Variants in ARHGAP6 observed in about 807,000 individuals in gnomAD.
ARHGAP6 encodes Rho GTPase activating protein 6, also known as rho GTPase-activating protein 6.
Under a neutral mutation model 55.7 loss-of-function variants are expected in ARHGAP6, and 16 were observed. The ratio of observed to expected loss-of-function variants is 0.29; its 90% CI spans 0.19 to 0.44. The LOEUF (loss-of-function observed/expected upper bound fraction) is 0.44, where lower values mean the gene tolerates loss of function less well. ARHGAP6 is among the 20% of genes least tolerant of loss of function. The pLI is 1.00. For missense variants in ARHGAP6, 698 were observed against 808.9 expected (o/e 0.86, Z 1.66); for synonymous variants, 382 against 360.9 (o/e 1.06, Z -0.66).
At chrX:11,573,093 T>A (rs1184736930) in intron 1 of ARHGAP6, among the ~76,000 whole-genome samples, 3 of 111,800 alleles carry the variant, frequency 2.7e-5, no homozygotes, top group Non-Finnish European at 3.8e-5. Context: ...TAGCCCTTTG[T>A]CAGATGAGTA....
At chrX:11,297,001 G>A (rs761389595) in intron 1 of ARHGAP6, among the ~76,000 whole-genome samples, 10 of 111,164 alleles carry the variant, frequency 9.0e-5, no homozygotes, top group East Asian at 2.8e-4. Flanking sequence ...AGCCTGTGTC[G>A]TCCCAGCAGC....
At chrX:11,649,951 T>C (rs1205861354) in intron 1 of ARHGAP6, among the ~76,000 whole-genome samples, 1 of 110,223 alleles carries the variant, frequency 9.1e-6, no homozygotes, top group Non-Finnish European at 1.9e-5. Flanking sequence ...TCTTTGCAAA[T>C]ATATTGTTAA....
intron 1 of ARHGAP6, among the ~76,000 whole-genome samples, chrX:11,548,442 C>G (rs1466248366): frequency 1.8e-5 from 2 of 110,993 alleles, no homozygotes; most frequent in Non-Finnish European, 3.8e-5. Context: ...CTAATACCCA[C>G]AATTCTACTC....
At chrX:11,325,016 G>A (rs1323933582) in intron 1 of ARHGAP6, among the ~76,000 whole-genome samples, 4 of 110,671 alleles carry the variant, frequency 3.6e-5, no homozygotes, top group Non-Finnish European at 5.7e-5. Flanking sequence ...CCGCCACCGC[G>A]CCCGGCTAAT....
chrX:11,307,095 G>A (rs755198300), intron 1 of ARHGAP6, among the ~76,000 whole-genome samples: 5 of 110,743 alleles, frequency 4.5e-5, no homozygotes, highest in South Asian at 3.9e-4. Context: ...TCCAGTGCTC[G>A]TAGAAACCAC....
intron 1 of ARHGAP6, among the ~76,000 whole-genome samples, chrX:11,269,115 G>C (rs1167399302): frequency 9.0e-6 from 1 of 111,539 alleles, no homozygotes; most frequent in Non-Finnish European, 1.9e-5. Flanking sequence ...ATGACAAATA[G>C]ACTTATGTTG....
At chrX:11,663,654 G>A (rs1390558119) in intron 1 of ARHGAP6, among the ~76,000 whole-genome samples, 1 of 111,624 alleles carries the variant, frequency 9.0e-6, no homozygotes, top group Non-Finnish European at 1.9e-5. Context: ...CCTACACAGA[G>A]ATTTTCTTCT....
intron 1 of ARHGAP6, among the ~76,000 whole-genome samples, chrX:11,513,523 G>A (rs1037352897): frequency 5.4e-5 from 6 of 111,585 alleles, no homozygotes; most frequent in African/African-American, 1.6e-4. Context: ...GTTAAATGGA[G>A]TCTCTTGCTA....
chrX:11,177,710 A>C (rs1185321917), intron 8 of ARHGAP6, among the ~76,000 whole-genome samples: 1 of 111,992 alleles, frequency 8.9e-6, no homozygotes, highest in African/African-American at 3.2e-5. Context: ...TTGGGCTCCA[A>C]GTTATAGAAG....
intron 8 of ARHGAP6, among the ~76,000 whole-genome samples, chrX:11,176,302 T>TAC (rs2046219971): frequency 2.0e-4 from 1 of 4,894 alleles, no homozygotes; most frequent in East Asian, 4.1e-3. Flanking sequence ...TTTGCATGCA[T>TAC]ATATATATAT....
intron 1 of ARHGAP6, among the ~76,000 whole-genome samples, chrX:11,404,451 A>G (rs533819816): frequency 5.3e-5 from 6 of 112,247 alleles, no homozygotes; most frequent in African/African-American, 1.9e-4. Flanking sequence ...TAAAACATAA[A>G]AATAATCCCT....
chrX:11,468,582 C>T (rs1051606498), intron 1 of ARHGAP6, among the ~76,000 whole-genome samples: 2 of 112,508 alleles, frequency 1.8e-5, no homozygotes, highest in Non-Finnish European at 3.8e-5. Context: ...GAACATTTAT[C>T]TGAGATGGAC....
intron 1 of ARHGAP6, among the ~76,000 whole-genome samples, chrX:11,649,079 A>C (rs952260683): frequency 1.8e-5 from 2 of 112,347 alleles, no homozygotes; most frequent in Non-Finnish European, 3.8e-5. Context: ...CACTTCTTCC[A>C]TCAAGGGGTA....
chrX:11,398,396 C>T (rs2049507572), intron 1 of ARHGAP6, among the ~76,000 whole-genome samples: 1 of 109,888 alleles, frequency 9.1e-6, no homozygotes, highest in Non-Finnish European at 1.9e-5. Flanking sequence ...TTTTCCTTAA[C>T]ACAAACAAGC....
At chrX:11,655,777 A>G (rs2052630999) in intron 1 of ARHGAP6, among the ~76,000 whole-genome samples, 1 of 112,550 alleles carries the variant, frequency 8.9e-6, no homozygotes, top group African/African-American at 3.2e-5. Context: ...AGGATGCAGT[A>G]AATTTTAGAA....
rs1485966000 is a variant in ARHGAP6 at position 11,420,372 on chromosome X, AAATT to A, written c.589-165669_589-165666del. ...AACAGAAAGTACATTAAAAGATATTAAATTAATTAATTGTGTTTGTAAACAGTGG... is the reference window on the plus strand; with the variant it reads ...AACAGAAAGTACATTAAAAGATATTAAATTAATTGTGTTTGTAAACAGTGG... On this transcript the variant is annotated intron_variant, in intron 1 of 12. Transcript: ENST00000337414. 2.7e-5 allele frequency among the ~76,000 whole-genome samples: 3 copies of A among 111,959 alleles called. No individual in the cohort carries two copies. The East Asian group carries it at 8.3e-4, about 31-fold the overall frequency.
At chrX:11,570,165 C>T (rs2051495497) in intron 1 of ARHGAP6, among the ~76,000 whole-genome samples, 1 of 111,014 alleles carries the variant, frequency 9.0e-6, no homozygotes, top group African/African-American at 3.3e-5. Flanking sequence ...ATTTAAGTCA[C>T]TGACAGAATT....
At chrX:11,529,382 AAAAAT>A (rs1402229092) in intron 1 of ARHGAP6, among the ~76,000 whole-genome samples, 5 of 112,448 alleles carry the variant, frequency 4.4e-5, no homozygotes, top group African/African-American at 1.6e-4. Flanking sequence ...AAAATGTAAT[AAAAAT>A]AAAATAAATT....
intron 5 of ARHGAP6, 68 bp from the exon 6 acceptor site, chrX:11,182,186 CA>C: frequency 1.0e-6 from 1 of 969,292 alleles, no homozygotes; most frequent in African/African-American, 1.9e-5. Flanking sequence ...AATCAAAATA[CA>C]GAGCAGAATG....
Sources: gnomAD v4.1 joint callset for allele counts (sites outside exome capture counted in the v4.1 genomes callset) on GRCh38, gnomAD v4.1.1 for gene constraint, MANE v1.5 for transcripts, NCBI Gene and HGNC (gene_info 2026-07-23, HGNC 2026-07-21) for gene names.